SERGEF: variants seen among roughly 807,000 people sequenced by gnomAD.
SERGEF encodes secretion-regulating guanine nucleotide exchange factor.
Under a neutral mutation model 50.0 loss-of-function variants are expected in SERGEF, and 51 were observed. The observed-to-expected ratio is 1.02, with a 90% CI of 0.81 to 1.29. The LOEUF (loss-of-function observed/expected upper bound fraction) is 1.29. SERGEF is among the 50% of genes most tolerant of loss of function. SERGEF has a pLI of 0.00. For synonymous variants in SERGEF, 205 were observed against 212.4 expected (o/e 0.97, Z 0.30); for missense variants, 521 against 557.0 (o/e 0.94, Z 0.65).
At chr11:17,887,142 G>A (rs1434327407) in intron 9 of SERGEF, among the ~76,000 whole-genome samples, 2 of 152,126 alleles carry the variant, frequency 1.3e-5, no homozygotes, top group Non-Finnish European at 2.9e-5. Flanking sequence ...AGTTCTAAAG[G>A]AAGAATCAAT....
chr11:17,832,381 T>C (rs1327681135), intron 10 of SERGEF, among the ~76,000 whole-genome samples: 1 of 152,244 alleles, frequency 6.6e-6, no homozygotes, highest in Non-Finnish European at 1.5e-5. Flanking sequence ...GCCATGATTG[T>C]GAGGCCTCCC....
chr11:17,958,826 G>T (rs1852930674), intron 9 of SERGEF, among the ~76,000 whole-genome samples: 1 of 152,056 alleles, frequency 6.6e-6, no homozygotes, highest in African/African-American at 2.4e-5. Context: ...CCAAAGCACA[G>T]ATCAGAGCCT....
At chr11:18,011,907 T>C (rs567051638) in intron 1 of SERGEF, among the ~76,000 whole-genome samples, 1 of 152,116 alleles carries the variant, frequency 6.6e-6, no homozygotes, top group Admixed American at 6.5e-5. Flanking sequence ...CATTCAACAA[T>C]TGCCGCCTTG....
chr11:17,955,024 C>A (rs1287392902), intron 9 of SERGEF, among the ~76,000 whole-genome samples: 3 of 152,322 alleles, frequency 2.0e-5, no homozygotes, highest in Non-Finnish European at 4.4e-5. Context: ...GCTAGACAGG[C>A]AGCCAGATTA....
chr11:17,930,997 G>A (rs1479766603), intron 9 of SERGEF, among the ~76,000 whole-genome samples: 1 of 152,058 alleles, frequency 6.6e-6, no homozygotes, highest in Non-Finnish European at 1.5e-5. Context: ...GAGCTAATAT[G>A]GTATTTCCTG....
At chr11:17,948,454 C>T (rs1426535769) in intron 9 of SERGEF, among the ~76,000 whole-genome samples, 4 of 152,126 alleles carry the variant, frequency 2.6e-5, no homozygotes, top group African/African-American at 7.2e-5. Flanking sequence ...CTCGTGCAGA[C>T]CCGATCGTCA....
intron 9 of SERGEF, among the ~76,000 whole-genome samples, chr11:17,885,985 G>A (rs1851421507): frequency 6.6e-6 from 1 of 152,112 alleles, no homozygotes; most frequent in African/African-American, 2.4e-5. Context: ...TTGGACACGA[G>A]TATGGGGCAT....
At chr11:17,840,975 A>G (rs941914581) in intron 10 of SERGEF, among the ~76,000 whole-genome samples, 1 of 152,188 alleles carries the variant, frequency 6.6e-6, no homozygotes. Context: ...ATCTCAAACA[A>G]CATGCATCAA....
intron 9 of SERGEF, among the ~76,000 whole-genome samples, chr11:17,895,854 C>A (rs1327774082): frequency 6.6e-6 from 1 of 152,160 alleles, no homozygotes; most frequent in Non-Finnish European, 1.5e-5. Flanking sequence ...AGCTTATAGT[C>A]ATACTATATA....
intron 4 of SERGEF, among the ~76,000 whole-genome samples, chr11:18,003,626 C>G (rs1441486373): frequency 6.6e-6 from 1 of 152,200 alleles, no homozygotes; most frequent in Non-Finnish European, 1.5e-5. Context: ...CTGCTTGAAC[C>G]TGGGAGGCGG....
At chr11:17,993,576 C>T (rs1172913779) in intron 6 of SERGEF, among the ~76,000 whole-genome samples, 8 of 152,208 alleles carry the variant, frequency 5.3e-5, no homozygotes, top group Non-Finnish European at 1.5e-5. Context: ...TCCTTAATTA[C>T]ACTGCTAAAA....
At position 17,788,113 on chromosome 11, in the gene SERGEF, G is replaced by T; in HGVS notation, c.1349C>A (p.Ser450Tyr). 6.4e-7 allele frequency: 1 copy of T among 1,550,744 alleles called. No homozygotes were observed. The highest frequency in any genetic ancestry group is 8.7e-7 in the Non-Finnish European group (1 of 1,143,942). The change falls in exon 11 of 11, where the codon TCT (serine) becomes TAT (tyrosine). Residue 450 changes from serine to tyrosine, a missense_variant. Transcript: ENST00000265965. ...RQSETSTQSQ[S>Y]DWSRNGGL ...CAGTCCCCCATTTCTGGACCAGTCAGATTGGCTTTGGGTTGAAGTTTCTGA... is the reference window on the plus strand; with the variant it reads ...CAGTCCCCCATTTCTGGACCAGTCATATTGGCTTTGGGTTGAAGTTTCTGA...
At chr11:17,956,649 G>A (rs2133968735) in intron 9 of SERGEF, among the ~76,000 whole-genome samples, 2 of 152,118 alleles carry the variant, frequency 1.3e-5, no homozygotes, top group Middle Eastern at 3.4e-3. Flanking sequence ...CTATCCTTCT[G>A]GACCCTTCTT....
chr11:17,913,564 G>A (rs1851993680), intron 9 of SERGEF, among the ~76,000 whole-genome samples: 1 of 152,136 alleles, frequency 6.6e-6, no homozygotes, highest in African/African-American at 2.4e-5. Context: ...TAGCTTTGGG[G>A]GGTACTGAGT....
intron 8 of SERGEF, among the ~76,000 whole-genome samples, chr11:17,973,533 C>A (rs1359768322): frequency 6.6e-6 from 1 of 152,172 alleles, no homozygotes; most frequent in African/African-American, 2.4e-5. Context: ...AAGCAATTCA[C>A]CCAGAGGCAG....
At chr11:17,932,261 T>C (rs555738525) in intron 9 of SERGEF, among the ~76,000 whole-genome samples, 154 of 152,324 alleles carry the variant, frequency 1.0e-3, no homozygotes, top group African/African-American at 3.6e-3. Context: ...CCTAGGCCTT[T>C]TCCTGTGTGG....
At chr11:17,858,366 C>T (rs1269492959) in intron 10 of SERGEF, among the ~76,000 whole-genome samples, 1 of 152,102 alleles carries the variant, frequency 6.6e-6, no homozygotes, top group Non-Finnish European at 1.5e-5. Context: ...GAGTAAGTGA[C>T]AGTCTATGTA....
intron 8 of SERGEF, among the ~76,000 whole-genome samples, chr11:17,975,965 T>C (rs1207334528): frequency 6.6e-6 from 1 of 151,834 alleles, no homozygotes; most frequent in Non-Finnish European, 1.5e-5. Flanking sequence ...AACAAATGAG[T>C]GAAGGAATAA....
At chr11:17,865,048 T>C (rs1850995822) in intron 10 of SERGEF, among the ~76,000 whole-genome samples, 1 of 152,202 alleles carries the variant, frequency 6.6e-6, no homozygotes, top group African/African-American at 2.4e-5. Context: ...ACCATAAAAA[T>C]ATAGTCATGC....
Sources: allele counts gnomAD v4.1 joint callset (sites outside exome capture counted in the v4.1 genomes callset), GRCh38; gene constraint gnomAD v4.1.1; transcripts MANE v1.5; gene names NCBI Gene and HGNC (gene_info 2026-07-23, HGNC 2026-07-21).